Variants in SH3RF3 observed in about 807,000 individuals in gnomAD.
SH3RF3 encodes E3 ubiquitin-protein ligase SH3RF3.
SH3RF3 carries 29 observed loss-of-function variants against 66.3 expected under a neutral mutation model. The ratio of observed to expected loss-of-function variants is 0.44; its 90% CI spans 0.33 to 0.60. The LOEUF is 0.60. Among genes scored for constraint, SH3RF3 ranks in the 20% least tolerant of loss-of-function variants. SH3RF3 has a pLI of 0.04. For missense variants in SH3RF3, 1,194 were observed against 1,190.9 expected, an observed-to-expected ratio of 1.00 and a Z score of -0.04; for synonymous variants, 583 against 532.0, an observed-to-expected ratio of 1.10 and a Z score of -1.32.
At chr2:109,295,461 G>A (rs1251427434) in intron 1 of SH3RF3, among the ~76,000 whole-genome samples, 3 of 152,248 alleles carry the variant, frequency 2.0e-5, no homozygotes, top group Admixed American at 2.0e-4. Flanking sequence ...GGCAGGGAGA[G>A]GACCCTGGGA....
chr2:109,479,520 C>G (rs924224907), intron 8 of SH3RF3, among the ~76,000 whole-genome samples: 1 of 152,082 alleles, frequency 6.6e-6, no homozygotes, highest in Non-Finnish European at 1.5e-5. Flanking sequence ...TATCTGTTCT[C>G]CCTGGGGTGT....
At chr2:109,139,023 C>T (rs1558920731) in intron 1 of SH3RF3, among the ~76,000 whole-genome samples, 5 of 152,114 alleles carry the variant, frequency 3.3e-5, no homozygotes, top group African/African-American at 9.7e-5. Flanking sequence ...TGGCAGGGGA[C>T]GTGGAGTCAT....
chr2:109,348,084 C>A, intron 2 of SH3RF3, 135 bp downstream of exon 2: 1 of 1,236,102 alleles, frequency 8.1e-7, no homozygotes, highest in Non-Finnish European at 1.1e-6. Context: ...GAACCCTGGG[C>A]AAATGACCCA....
intron 1 of SH3RF3, among the ~76,000 whole-genome samples, chr2:109,204,260 C>T (rs1050753834): frequency 6.6e-5 from 10 of 152,154 alleles, no homozygotes; most frequent in African/African-American, 1.7e-4. Flanking sequence ...TTGCTTATGC[C>T]CTGTTGCTTC....
At chr2:109,500,012 G>A (rs779810724) in intron 9 of SH3RF3, among the ~76,000 whole-genome samples, 1 of 152,118 alleles carries the variant, frequency 6.6e-6, no homozygotes, top group African/African-American at 2.4e-5. Flanking sequence ...TGGTGGAAGC[G>A]GGTGGTCCGT....
chr2:109,349,875 C>T (rs1193459084), intron 2 of SH3RF3, among the ~76,000 whole-genome samples: 4 of 152,226 alleles, frequency 2.6e-5, no homozygotes, highest in Non-Finnish European at 5.9e-5. Context: ...AAGGCTAGAG[C>T]CCACTGGACA....
At chr2:109,293,025 C>T (rs1681225140) in intron 1 of SH3RF3, among the ~76,000 whole-genome samples, 1 of 152,200 alleles carries the variant, frequency 6.6e-6, no homozygotes, top group Non-Finnish European at 1.5e-5. Flanking sequence ...AGGCACCGCA[C>T]CCCAATTTGA....
rs949530274 is a variant in SH3RF3, at chr2:109,319,964, G to T, written c.574-27710G>T. Among the ~76,000 whole-genome samples, 4 of 152,360 alleles carry T rather than the reference G, an allele frequency of 2.6e-5. No individual in the cohort carries two copies. In the East Asian group the frequency reaches 7.7e-4, roughly 29 times the overall value. On this transcript the variant is annotated intron_variant, in intron 1 of 9. Transcript: ENST00000309415. ...GAACGAGCTGCTGTGAGAAGTAAGA[G>T]AAGTCAGAGTGGGTGATGGAGAGTG...
chr2:109,221,130 A>G (rs1679227158), intron 1 of SH3RF3, among the ~76,000 whole-genome samples: 1 of 152,230 alleles, frequency 6.6e-6, no homozygotes, highest in Non-Finnish European at 1.5e-5. Flanking sequence ...CATTATGCTG[A>G]GTGAAATAAG....
chr2:109,240,215 T>C (rs1679745652), intron 1 of SH3RF3, among the ~76,000 whole-genome samples: 1 of 152,208 alleles, frequency 6.6e-6, no homozygotes, highest in Admixed American at 6.5e-5. Flanking sequence ...AAATCAGGGT[T>C]GAAGCCAGGC....
chr2:109,420,462 T>TTTTC (rs1676843648), intron 5 of SH3RF3, among the ~76,000 whole-genome samples: 3 of 151,956 alleles, frequency 2.0e-5, no homozygotes, highest in Admixed American at 6.6e-5. Flanking sequence ...GTTTTGTTTT[T>TTTTC]TGAGATGGAG....
chr2:109,162,248 T>C (rs998064769), intron 1 of SH3RF3, among the ~76,000 whole-genome samples: 1 of 152,124 alleles, frequency 6.6e-6, no homozygotes, highest in Non-Finnish European at 1.5e-5. Flanking sequence ...TGAAGACAAG[T>C]GGTGGTGGAG....
At chr2:109,246,462 A>G (rs1217206862) in intron 1 of SH3RF3, among the ~76,000 whole-genome samples, 2 of 152,182 alleles carry the variant, frequency 1.3e-5, no homozygotes, top group East Asian at 3.9e-4. Context: ...CTCAGCTCCT[A>G]ATAGCATTAC....
intron 7 of SH3RF3, among the ~76,000 whole-genome samples, chr2:109,440,992 G>C (rs889861450): frequency 3.3e-5 from 5 of 152,122 alleles, no homozygotes; most frequent in African/African-American, 1.2e-4. Context: ...ATCTACACAG[G>C]ACCTTGCCTC....
At chr2:109,244,330 G>A (rs1476644990) in intron 1 of SH3RF3, among the ~76,000 whole-genome samples, 2 of 152,180 alleles carry the variant, frequency 1.3e-5, no homozygotes, top group Non-Finnish European at 2.9e-5. Flanking sequence ...AGGAGCAGGT[G>A]AGAAAAGTGA....
intron 5 of SH3RF3, among the ~76,000 whole-genome samples, chr2:109,429,857 G>A (rs1425985870): frequency 2.6e-5 from 4 of 152,184 alleles, no homozygotes; most frequent in Non-Finnish European, 4.4e-5. Flanking sequence ...ATGCTCCCAG[G>A]CCACCAAGCT....
intron 5 of SH3RF3, among the ~76,000 whole-genome samples, chr2:109,424,383 T>C (rs1428788395): frequency 6.6e-6 from 1 of 152,232 alleles, no homozygotes; most frequent in African/African-American, 2.4e-5. Flanking sequence ...CCCTGGACCC[T>C]GTCCAGTGGT....
At chr2:109,324,109 A>G (rs1336149406) in intron 1 of SH3RF3, among the ~76,000 whole-genome samples, 2 of 152,200 alleles carry the variant, frequency 1.3e-5, no homozygotes, top group Non-Finnish European at 2.9e-5. Flanking sequence ...AATATTTTCA[A>G]GGTTCGTCTT....
intron 1 of SH3RF3, among the ~76,000 whole-genome samples, chr2:109,335,277 T>A (rs1051461516): frequency 1.3e-5 from 2 of 152,212 alleles, no homozygotes; most frequent in Non-Finnish European, 2.9e-5. Context: ...AACGGCTCTT[T>A]CTAGCATGTT....
Sources: gnomAD v4.1 joint callset for allele counts (sites outside exome capture counted in the v4.1 genomes callset) on GRCh38, gnomAD v4.1.1 for gene constraint, MANE v1.5 for transcripts, NCBI Gene and HGNC (gene_info 2026-07-23, HGNC 2026-07-21) for gene names.